Variants in ABLIM1 observed in about 807,000 individuals in gnomAD.
The protein encoded by ABLIM1 is actin binding LIM protein 1.
ABLIM1 carries 40 observed loss-of-function variants against 107.0 expected under a neutral mutation model. The observed-to-expected ratio is 0.37, with a 90% CI of 0.29 to 0.49. The LOEUF (loss-of-function observed/expected upper bound fraction) is 0.49. Among genes scored for constraint, ABLIM1 ranks in the 20% least tolerant of loss-of-function variants. ABLIM1 has a pLI of 0.97. For synonymous variants in ABLIM1, 357 were observed against 357.3 expected, an observed-to-expected ratio of 1.00 and a Z score of 0.01; for missense variants, 857 against 1,008.5, an observed-to-expected ratio of 0.85 and a Z score of 2.04.
chr10:114,613,767 C>G (rs1365226492), intron 1 of ABLIM1: 26 of 1,299,020 alleles, frequency 2.0e-5, no homozygotes, highest in Non-Finnish European at 2.5e-5. Flanking sequence ...CATTCTAGAA[C>G]TACTCTCTAA....
At chr10:114,543,781 C>A (rs1007786504) in intron 6 of ABLIM1, among the ~76,000 whole-genome samples, 1 of 152,238 alleles carries the variant, frequency 6.6e-6, no homozygotes, top group Non-Finnish European at 1.5e-5. Context: ...CGGTGCCCAA[C>A]TGACGTTTCT....
At chr10:114,653,752 T>TCACTGATATATGCC (rs985995941) in intron 1 of ABLIM1, among the ~76,000 whole-genome samples, 1 of 152,260 alleles carries the variant, frequency 6.6e-6, no homozygotes, top group Non-Finnish European at 1.5e-5. Context: ...CAGATCTATT[T>TCACTGATATATGCC]CACTGATATA....
chr10:114,688,983 A>T, upstream of ABLIM1, among the ~76,000 whole-genome samples: 1 of 152,186 alleles, frequency 6.6e-6, no homozygotes, highest in Non-Finnish European at 1.5e-5. Context: ...CGTCAGAAGA[A>T]TCATTTTTCT....
At chr10:114,714,592 G>A (rs542025742) in intron 1 of ABLIM1, among the ~76,000 whole-genome samples, 1 of 152,314 alleles carries the variant, frequency 6.6e-6, no homozygotes, top group South Asian at 2.1e-4. Context: ...CCAATGCTGT[G>A]CTATTCTTCA....
At chr10:114,565,971 A>T (rs2070681786) in intron 4 of ABLIM1, among the ~76,000 whole-genome samples, 3 of 151,220 alleles carry the variant, frequency 2.0e-5, no homozygotes, top group Admixed American at 2.0e-4. Flanking sequence ...ATTTTTTTGT[A>T]TTTTTAGTAG....
intron 1 of ABLIM1, chr10:114,631,882 T>C (rs1355889401): frequency 2.3e-6 from 3 of 1,303,762 alleles, no homozygotes; most frequent in Non-Finnish European, 3.0e-6. Flanking sequence ...CCATGCACAG[T>C]GATCGATATT....
intron 4 of ABLIM1, among the ~76,000 whole-genome samples, chr10:114,553,191 A>G (rs907862734): frequency 2.7e-4 from 41 of 152,196 alleles, no homozygotes; most frequent in African/African-American, 9.9e-4. Context: ...GGGGCTAGCT[A>G]TAAAAAAAGA....
chr10:114,646,972 A>T (rs1201928685), intron 1 of ABLIM1, among the ~76,000 whole-genome samples: 1 of 152,144 alleles, frequency 6.6e-6, no homozygotes, highest in African/African-American at 2.4e-5. Flanking sequence ...ACAGTTTTTT[A>T]AATTAATTAA....
At chr10:114,645,960 G>A (rs2078994935) in intron 1 of ABLIM1, among the ~76,000 whole-genome samples, 1 of 152,160 alleles carries the variant, frequency 6.6e-6, no homozygotes. Flanking sequence ...TTAAACAGCT[G>A]CATATTGCTA....
At chr10:114,445,621 A>C (rs1308448658) in intron 15 of ABLIM1, among the ~76,000 whole-genome samples, 1 of 152,218 alleles carries the variant, frequency 6.6e-6, no homozygotes, top group Non-Finnish European at 1.5e-5. Flanking sequence ...AAGCCAGGTC[A>C]ACGTGCAATG....
intron 8 of ABLIM1, 49 bp downstream of exon 8, chr10:114,487,909 C>T (rs558238425): frequency 6.3e-6 from 10 of 1,599,934 alleles, no homozygotes; most frequent in African/African-American, 4.0e-5. Flanking sequence ...TGACCACGAG[C>T]GTATGGCCTA....
intron 4 of ABLIM1, among the ~76,000 whole-genome samples, chr10:114,570,080 C>A (rs1287693297): frequency 2.0e-5 from 3 of 152,144 alleles, no homozygotes; most frequent in African/African-American, 7.2e-5. Context: ...TTTATCTCAT[C>A]CTTACGTATT....
At chr10:114,791,062 T>A in the ABLIM1 span, among the ~76,000 whole-genome samples, 1 of 152,210 alleles carries the variant, frequency 6.6e-6, no homozygotes, top group Non-Finnish European at 1.5e-5. Context: ...TGATCTGCTT[T>A]AATTTTATTT....
chr10:114,656,534 C>T (rs1018476286), intron 1 of ABLIM1, among the ~76,000 whole-genome samples: 7 of 151,886 alleles, frequency 4.6e-5, no homozygotes, highest in South Asian at 2.1e-4. Flanking sequence ...TTCACACACG[C>T]GTGTGTGAGG....
At chr10:114,768,840 G>A (rs1808371323), upstream of ABLIM1, among the ~76,000 whole-genome samples, 1 of 152,132 alleles carries the variant, frequency 6.6e-6, no homozygotes. Context: ...TGACCACTCT[G>A]AACAAATCCC....
At chr10:114,783,753 A>AT in the ABLIM1 span, among the ~76,000 whole-genome samples, 2 of 151,992 alleles carry the variant, frequency 1.3e-5, no homozygotes, top group Non-Finnish European at 2.9e-5. Context: ...GCATTTGCTG[A>AT]TTTTTGTGGT....
At chr10:114,463,643 G>A (rs908886663) in intron 12 of ABLIM1, among the ~76,000 whole-genome samples, 3 of 151,966 alleles carry the variant, frequency 2.0e-5, no homozygotes, top group Non-Finnish European at 4.4e-5. Flanking sequence ...AGGAAAACAT[G>A]TTTGTGTTCC....
chr10:114,661,860 C>A (rs1351487627), upstream of ABLIM1, among the ~76,000 whole-genome samples: 1 of 152,128 alleles, frequency 6.6e-6, no homozygotes, highest in Admixed American at 6.5e-5. Context: ...GGACACCCAG[C>A]CTTTGCATGC....
chr10:114,579,318 G>A (rs1321138868), intron 2 of ABLIM1, among the ~76,000 whole-genome samples: 3 of 152,166 alleles, frequency 2.0e-5, no homozygotes, highest in Non-Finnish European at 4.4e-5. Flanking sequence ...AATGAATTTA[G>A]CCCTCTGGAT....
Sources: allele counts gnomAD v4.1 joint callset (sites outside exome capture counted in the v4.1 genomes callset), GRCh38; gene constraint gnomAD v4.1.1; transcripts MANE v1.5; gene names NCBI Gene and HGNC (gene_info 2026-07-23, HGNC 2026-07-21).